Variants in MORC1 observed in about 807,000 individuals in gnomAD.
The protein encoded by MORC1 is MORC family CW-type zinc finger 1.
In MORC1, 59 loss-of-function variants were observed where a neutral mutation model predicts 134.9. That is an observed-to-expected ratio of 0.44 (90% CI 0.35 to 0.54). MORC1 has a LOEUF of 0.54. Ranked by LOEUF, MORC1 falls within the 20% of genes least tolerant of loss-of-function variation. The pLI is 0.00. For synonymous variants in MORC1, 395 were observed against 391.7 expected (o/e 1.01, Z -0.10); for missense variants, 947 against 1,134.5 (o/e 0.83, Z 2.37).
intron 20 of MORC1, among the ~76,000 whole-genome samples, chr3:109,004,341 G>T (rs1337872232): frequency 6.6e-6 from 1 of 152,202 alleles, no homozygotes; most frequent in African/African-American, 2.4e-5. Flanking sequence ...AGTCAAATGT[G>T]ATGGACAAGG....
At chr3:109,117,827 A>G (rs538821719) in intron 1 of MORC1, among the ~76,000 whole-genome samples, 168 bp downstream of exon 1, 1 of 152,170 alleles carries the variant, frequency 6.6e-6, no homozygotes, top group East Asian at 1.9e-4. Flanking sequence ...CCCAGAATAT[A>G]TCTTTATTAT....
intron 17 of MORC1, 21 bp downstream of exon 17, chr3:109,027,730 G>A: frequency 6.2e-7 from 1 of 1,613,490 alleles, no homozygotes; most frequent in Non-Finnish European, 8.5e-7. Flanking sequence ...TAGAATTAGG[G>A]AGGAATTAAT....
intron 23 of MORC1, among the ~76,000 whole-genome samples, chr3:108,980,707 T>C (rs1248739789): frequency 6.6e-6 from 1 of 152,208 alleles, no homozygotes; most frequent in East Asian, 1.9e-4. Context: ...TAACTAAGAA[T>C]GCAAGAGACT....
chr3:108,962,003 C>T (rs567249168), intron 27 of MORC1, among the ~76,000 whole-genome samples: 1 of 152,270 alleles, frequency 6.6e-6, no homozygotes, highest in African/African-American at 2.4e-5. Context: ...GTGCTAGGCT[C>T]CATACCAGAC....
At chr3:109,097,997 T>TA (rs1295722165) in intron 6 of MORC1, among the ~76,000 whole-genome samples, 1 of 152,204 alleles carries the variant, frequency 6.6e-6, no homozygotes, top group African/African-American at 2.4e-5. Flanking sequence ...AATGCCTAGA[T>TA]AAAATCAAGA....
intron 21 of MORC1, among the ~76,000 whole-genome samples, chr3:108,992,327 G>A (rs549690187): frequency 2.6e-5 from 4 of 151,944 alleles, no homozygotes; most frequent in African/African-American, 9.7e-5. Flanking sequence ...CTTAAAAGTT[G>A]TATCCACAAC....
At chr3:109,066,707 C>T (rs1950204143) in intron 9 of MORC1, among the ~76,000 whole-genome samples, 1 of 152,188 alleles carries the variant, frequency 6.6e-6, no homozygotes, top group Non-Finnish European at 1.5e-5. Context: ...TATTGGTTAA[C>T]AAACTTTTCA....
chr3:108,986,515 G>C (rs1389922846), intron 22 of MORC1, among the ~76,000 whole-genome samples: 1 of 151,888 alleles, frequency 6.6e-6, no homozygotes, highest in Non-Finnish European at 1.5e-5. Context: ...GAAAAAACGG[G>C]GACTGTCATC....
chr3:108,996,307 C>CACACACACACACA (rs1052240440), intron 21 of MORC1, among the ~76,000 whole-genome samples: 1 of 148,312 alleles, frequency 6.7e-6, no homozygotes, highest in African/African-American at 2.5e-5. Flanking sequence ...CACACACACA[C>CACACACACACACA]AACTAGAATT....
At chr3:109,004,763 T>C in intron 20 of MORC1, 54 bp downstream of exon 20, 1 of 1,512,276 alleles carries the variant, frequency 6.6e-7, no homozygotes, top group South Asian at 1.2e-5. Flanking sequence ...GATTAAAGGT[T>C]TATCCTATAT....
At chr3:108,976,883 A>T (rs1165090624) in intron 24 of MORC1, among the ~76,000 whole-genome samples, 1 of 152,192 alleles carries the variant, frequency 6.6e-6, no homozygotes, top group Non-Finnish European at 1.5e-5. Flanking sequence ...GTCTTAGTAC[A>T]CTCAATCAGA....
At chr3:108,998,853 A>C (rs1231496630) in intron 21 of MORC1, among the ~76,000 whole-genome samples, 1 of 152,212 alleles carries the variant, frequency 6.6e-6, no homozygotes, top group African/African-American at 2.4e-5. Flanking sequence ...ATAGCTACAC[A>C]CAAGTAATGT....
At chr3:109,017,477 T>G (rs759439980) in intron 17 of MORC1, among the ~76,000 whole-genome samples, 1 of 152,192 alleles carries the variant, frequency 6.6e-6, no homozygotes, top group African/African-American at 2.4e-5. Context: ...ATGTAAATAG[T>G]TCCCCTAAAA....
At chr3:109,060,524 T>C (rs1271574786) in intron 11 of MORC1, among the ~76,000 whole-genome samples, 1 of 151,962 alleles carries the variant, frequency 6.6e-6, no homozygotes, top group African/African-American at 2.4e-5. Context: ...CTTAACATGC[T>C]TCATTCACCT....
intron 17 of MORC1, among the ~76,000 whole-genome samples, chr3:109,021,613 A>G (rs3792349): frequency 6.6e-6 from 1 of 152,046 alleles, no homozygotes; most frequent in Non-Finnish European, 1.5e-5. Context: ...TGGCAAAATA[A>G]AGTTGCTTAT....
At chr3:109,040,499 AAAGG>A (rs1208076081) in intron 14 of MORC1, among the ~76,000 whole-genome samples, 22 of 151,418 alleles carry the variant, frequency 1.5e-4, no homozygotes, top group South Asian at 4.2e-4. Flanking sequence ...GAAAGAAAAG[AAAGG>A]AAGGAAGGAA....
At chr3:109,006,817 A>T (rs1478921619) in intron 18 of MORC1, among the ~76,000 whole-genome samples, 1 of 152,228 alleles carries the variant, frequency 6.6e-6, no homozygotes. Context: ...AAGTAAGATA[A>T]TGGGTGATTT....
intron 8 of MORC1, among the ~76,000 whole-genome samples, chr3:109,073,561 C>T (rs1482584919): frequency 6.6e-6 from 1 of 152,162 alleles, no homozygotes; most frequent in Non-Finnish European, 1.5e-5. Context: ...TCACACTGGG[C>T]ACACAGACAA....
intron 24 of MORC1, among the ~76,000 whole-genome samples, chr3:108,975,192 TG>T (rs1947515346): frequency 6.6e-6 from 1 of 152,212 alleles, no homozygotes; most frequent in Non-Finnish European, 1.5e-5. Context: ...TAGTCCTAGC[TG>T]AGGAGAAGAG....
Sources: allele counts gnomAD v4.1 joint callset (sites outside exome capture counted in the v4.1 genomes callset), GRCh38; gene constraint gnomAD v4.1.1; transcripts MANE v1.5; gene names NCBI Gene and HGNC (gene_info 2026-07-23, HGNC 2026-07-21).